ABCC9: variants seen among roughly 807,000 people sequenced by gnomAD.
ABCC9 encodes ATP binding cassette subfamily C member 9.
Under a neutral mutation model 188.3 loss-of-function variants are expected in ABCC9, and 95 were observed. The ratio of observed to expected loss-of-function variants is 0.50; its 90% confidence interval spans 0.43 to 0.60. ABCC9 has a LOEUF of 0.60. ABCC9 is among the 20% of genes least tolerant of loss of function. The pLI is 0.00. For missense variants in ABCC9, 1,102 were observed against 1,876.3 expected, an observed-to-expected ratio of 0.59 and a Z score of 7.62; for synonymous variants, 659 against 652.7, an observed-to-expected ratio of 1.01 and a Z score of -0.15.
intron 39 of ABCC9, 142 bp downstream of exon 39, chr12:21,805,856 T>G (rs1941800310): frequency 1.2e-6 from 1 of 817,326 alleles, no homozygotes; most frequent in African/African-American, 1.7e-5. Flanking sequence ...TCTTCGTATT[T>G]TTTTTCTTTT....
At chr12:21,908,277 A>G (rs1432876769) in intron 10 of ABCC9, 66 bp from the exon 11 acceptor site, 3 of 1,567,038 alleles carry the variant, frequency 1.9e-6, no homozygotes, top group Non-Finnish European at 2.6e-6. Context: ...ATGAAAGGAC[A>G]TAATTTTTAG....
At chr12:21,849,256 G>A (rs958521584) in intron 24 of ABCC9, among the ~76,000 whole-genome samples, 6 of 152,070 alleles carry the variant, frequency 3.9e-5, no homozygotes, top group African/African-American at 1.4e-4. Flanking sequence ...GCTAGGTAGT[G>A]ACCTTGGTTG....
intron 37 of ABCC9, among the ~76,000 whole-genome samples, chr12:21,807,906 T>C (rs1290420568): frequency 6.6e-6 from 1 of 152,152 alleles, no homozygotes; most frequent in Non-Finnish European, 1.5e-5. Context: ...TTATACCATC[T>C]TTCTGGACTG....
chr12:21,912,664 T>C (rs1014405976), intron 8 of ABCC9, among the ~76,000 whole-genome samples: 3 of 152,092 alleles, frequency 2.0e-5, no homozygotes, highest in African/African-American at 7.2e-5. Flanking sequence ...AGAAATAATT[T>C]TGGTGGCCAG....
rs1441478066 is a variant in ABCC9 at position 21,798,721 on chromosome 12, A to G, written c.*2323T>C. 1.3e-5 allele frequency: 2 copies of G among 151,566 alleles called. No individual in the cohort carries two copies. Among genetic ancestry groups the G allele is most frequent in the African/African-American group, 4.9e-5 (2 of 41,160 alleles). The allele number at this position is 151,566 out of a possible 1,614,324, so 9.4% of individuals were successfully genotyped here. ...TCAGGGATCTAGAACTAGAAATACC[A>G]TTTGACCCAGCCATCCCATTACTGG... On this transcript the variant is annotated 3_prime_UTR_variant, in exon 40 of 40. Transcript: ENST00000261200.
At position 21,865,282 on chromosome 12, in the gene ABCC9, A is replaced by G. The variant is rs182118546; in HGVS notation, c.2199-805T>C. On this transcript the variant is annotated intron_variant, in intron 18 of 39. Coordinates refer to ENST00000261200, the MANE Select transcript of ABCC9 (RefSeq NM_020297.4). ...TTTTGTGGAGAAAATTTACCTAATT[A>G]TGCTACCTAATGATATTTGGTTTAG... 3.8e-3 allele frequency among the ~76,000 whole-genome samples: 571 copies of G among 152,230 alleles called. 3 individuals are homozygous for G. Among genetic ancestry groups the G allele is most frequent in the African/African-American group, 0.013 (553 of 41,554 alleles).
chr12:21,870,830 C>G (rs534041311), intron 18 of ABCC9, among the ~76,000 whole-genome samples: 1 of 151,972 alleles, frequency 6.6e-6, no homozygotes, highest in Admixed American at 6.6e-5. Flanking sequence ...AAATAAGATA[C>G]AATATAAATC....
intron 10 of ABCC9, among the ~76,000 whole-genome samples, chr12:21,908,734 C>G (rs1005505704): frequency 6.6e-6 from 1 of 151,918 alleles, no homozygotes; most frequent in African/African-American, 2.4e-5. Context: ...CTTCTTATGA[C>G]TTCAGAAATC....
chr12:21,915,845 C>T lies in ABCC9; in HGVS notation c.639G>A (p.Val213=), dbSNP rs1213285317. 2 of 1,613,522 alleles carry T rather than the reference C, an allele frequency of 1.2e-6. No individual in the cohort carries two copies. The highest frequency in any genetic ancestry group is 2.2e-5 in the East Asian group (1 of 44,780). The stretch of plus-strand genomic sequence containing the variant: ...AATTCACAAATGGTTGAAGAAATCT[C>T]ACTCCCAGATCCTGGAGGTCTTCAG... ...KPPEDLQDLG[V]RFLQPFVNLL... The change falls in exon 7 of 40, where the codon GTG becomes GTA. Residue 213 remains valine (V), a synonymous_variant. Coordinates refer to ENST00000261200, the MANE Select transcript of ABCC9 (RefSeq NM_020297.4).
chr12:21,814,707 G>A lies in ABCC9; in HGVS notation c.4039C>T (p.Arg1347Cys), dbSNP rs2137165886. Residue 1347 changes from arginine (R) to cysteine (C), a missense_variant, in exon 35 of 40, where the codon CGC (arginine) becomes TGC (cysteine). This residue lies in a region of ABCC9 where 3 missense variants were observed against 24.8 expected (regional missense o/e 0.12). Transcript: ENST00000261200. Reference sequence around the variant, plus strand: ...AACGATGATTTCCCACTGCCAGTGCGACCACATATGCCCACCTAGGAAAAC... The same window carrying A: ...AACGATGATTTCCCACTGCCAGTGCAACCACATATGCCCACCTAGGAAAAC... ...KPGQKVGICG[R>C]TGSGKSSLSL... 1 of 1,613,868 alleles carries A rather than the reference G, an allele frequency of 6.2e-7. No individual in the cohort carries two copies. Among genetic ancestry groups the A allele is most frequent in the Non-Finnish European group, 8.5e-7 (1 of 1,179,908 alleles).
At chr12:21,909,583 C>G (rs1948218774) in intron 10 of ABCC9, among the ~76,000 whole-genome samples, 1 of 151,904 alleles carries the variant, frequency 6.6e-6, no homozygotes, top group Non-Finnish European at 1.5e-5. Flanking sequence ...AAATAGCACT[C>G]CAGTTTGTCA....
At chr12:21,830,597 C>T (rs1018757414) in intron 30 of ABCC9, among the ~76,000 whole-genome samples, 1 of 152,160 alleles carries the variant, frequency 6.6e-6, no homozygotes, top group Admixed American at 6.5e-5. Context: ...GTTCATTTGG[C>T]CCACTGAAGT....
chr12:21,839,569 C>A (rs1033514490), intron 29 of ABCC9, among the ~76,000 whole-genome samples: 1 of 152,156 alleles, frequency 6.6e-6, no homozygotes, highest in Non-Finnish European at 1.5e-5. Flanking sequence ...TTCTTTAAAC[C>A]ACATGAGCTA....
chr12:21,830,615 A>G (rs1055478623), intron 30 of ABCC9, among the ~76,000 whole-genome samples: 6 of 152,258 alleles, frequency 3.9e-5, no homozygotes, highest in African/African-American at 1.4e-4. Flanking sequence ...AGTAATCCAT[A>G]CAGGCCAATA....
intron 8 of ABCC9, 36 bp downstream of exon 8, chr12:21,912,836 A>G (rs766776710): frequency 6.3e-7 from 1 of 1,599,738 alleles, no homozygotes; most frequent in Admixed American, 1.7e-5. Context: ...AAATCCATCA[A>G]TAATATGTTT....
At chr12:21,836,920 G>A (rs577492725) in intron 30 of ABCC9, among the ~76,000 whole-genome samples, 2 of 152,286 alleles carry the variant, frequency 1.3e-5, no homozygotes, top group South Asian at 4.1e-4. Context: ...GTGTATGTGG[G>A]GAGGATGTGG....
Position 21,852,189 on chromosome 12 carries a change from C to T in ABCC9, c.2677G>A (p.Glu893Lys), listed in dbSNP as rs1292334738. The T allele has an allele frequency of 2.5e-6, 4 of 1,613,756 alleles. No homozygotes were observed. Among genetic ancestry groups the T allele is most frequent in the Admixed American group, 1.7e-5 (1 of 60,000 alleles). ...GTTTGAATGTCCTTCAAAGTTCCTT[C>T]TCTTAGGACACTTCCATCTTTCATG... ...IAMKDGSVLR[E>K]GTLKDIQTKD... Residue 893 changes from glutamate (E) to lysine (K), a missense_variant, in exon 24 of 40, where the codon GAA becomes AAA. Around this residue, in one of 12 missense-constraint regions of ABCC9, gnomAD observed 131 missense variants for 170.2 expected, o/e 0.77. Coordinates refer to ENST00000261200, the MANE Select transcript of ABCC9 (RefSeq NM_020297.4).
At chr12:21,833,702 T>C (rs909157732) in intron 30 of ABCC9, among the ~76,000 whole-genome samples, 1 of 152,178 alleles carries the variant, frequency 6.6e-6, no homozygotes, top group Non-Finnish European at 1.5e-5. Flanking sequence ...CTGCCAGTTT[T>C]CCTGAATCTA....
chr12:21,867,668 G>A (rs551546440), intron 18 of ABCC9, among the ~76,000 whole-genome samples: 4 of 152,080 alleles, frequency 2.6e-5, no homozygotes, highest in African/African-American at 9.6e-5. Context: ...TTCATGCCAG[G>A]AAAGTCACAT....
Sources: gnomAD v4.1 joint callset for allele counts (sites outside exome capture counted in the v4.1 genomes callset) on GRCh38, gnomAD v4.1.1 for gene constraint, gnomAD v4.1.1 regional missense constraint, MANE v1.5 for transcripts, NCBI Gene and HGNC (gene_info 2026-07-23, HGNC 2026-07-21) for gene names.